Variants in CUX1 observed in about 807,000 individuals in gnomAD.
CUX1 encodes cut like homeobox 1, also known as protein CASP.
Under a neutral mutation model 158.8 loss-of-function variants are expected in CUX1, and 31 were observed. The observed-to-expected ratio is 0.20, with a 90% CI of 0.15 to 0.26. CUX1 has a LOEUF of 0.26. CUX1 is among the 10% of genes least tolerant of loss of function. The pLI, the probability that CUX1 is intolerant of heterozygous loss-of-function variation, is 1.00. For synonymous variants in CUX1, 879 were observed against 862.1 expected, an observed-to-expected ratio of 1.02 and a Z score of -0.34; for missense variants, 1,589 against 2,014.6, an observed-to-expected ratio of 0.79 and a Z score of 4.04.
intron 2 of CUX1, among the ~76,000 whole-genome samples, chr7:102,013,481 T>G (rs1314788597): frequency 2.0e-5 from 3 of 152,164 alleles, no homozygotes; most frequent in Admixed American, 6.5e-5. Flanking sequence ...CAGGACCGCA[T>G]GAAAGTCACT....
chr7:102,258,631 G>T (rs1344353679), downstream of CUX1, among the ~76,000 whole-genome samples: 1 of 152,228 alleles, frequency 6.6e-6, no homozygotes, highest in Non-Finnish European at 1.5e-5. Flanking sequence ...ATGGTGGCCA[G>T]TGCTGGTGCG....
intron 23 of CUX1, among the ~76,000 whole-genome samples, chr7:102,244,342 C>T (rs1468907014): frequency 2.0e-5 from 3 of 151,846 alleles, no homozygotes; most frequent in Admixed American, 1.3e-4. Context: ...AAAAAAAAAC[C>T]GAGCTTTATT....
At chr7:102,212,772 C>T (rs782098803) in intron 20 of CUX1, among the ~76,000 whole-genome samples, 14 of 151,968 alleles carry the variant, frequency 9.2e-5, no homozygotes, top group South Asian at 2.1e-4. Flanking sequence ...TCAAAAAGGC[C>T]GTGTGCCTTG....
At chr7:101,868,084 C>T (rs181053893) in intron 1 of CUX1, among the ~76,000 whole-genome samples, 147 of 152,274 alleles carry the variant, frequency 9.7e-4, no homozygotes, top group African/African-American at 3.4e-3. Context: ...CGGCCTCAAG[C>T]GATCCTCTTG....
At chr7:102,057,071 T>C (rs1418578337) in intron 3 of CUX1, among the ~76,000 whole-genome samples, 2 of 151,448 alleles carry the variant, frequency 1.3e-5, no homozygotes, top group African/African-American at 4.9e-5. Context: ...CTGGCTAATT[T>C]TTTGTATTTT....
chr7:101,911,334 C>T (rs910347576), intron 1 of CUX1, among the ~76,000 whole-genome samples: 8 of 152,072 alleles, frequency 5.3e-5, no homozygotes, highest in Admixed American at 5.2e-4. Flanking sequence ...ACGACCTGAG[C>T]CCTGGCCTTG....
intron 8 of CUX1, among the ~76,000 whole-genome samples, chr7:102,152,779 C>T (rs1835832197): frequency 6.6e-6 from 1 of 152,206 alleles, no homozygotes; most frequent in African/African-American, 2.4e-5. Flanking sequence ...CTGGTCCCTT[C>T]TGTGAATGGA....
At chr7:102,118,987 T>G (rs1831733944) in intron 8 of CUX1, among the ~76,000 whole-genome samples, 1 of 152,026 alleles carries the variant, frequency 6.6e-6, no homozygotes, top group Non-Finnish European at 1.5e-5. Context: ...CCTGACCTCA[T>G]GATTCGCCCA....
chr7:101,993,484 C>G (rs943132829), intron 2 of CUX1, among the ~76,000 whole-genome samples: 3 of 152,298 alleles, frequency 2.0e-5, no homozygotes, highest in African/African-American at 7.2e-5. Flanking sequence ...GGGGGTGGCT[C>G]AGGCCTCCCA....
intron 2 of CUX1, among the ~76,000 whole-genome samples, chr7:101,967,242 T>C (rs1459453984): frequency 6.6e-6 from 1 of 152,108 alleles, no homozygotes; most frequent in Non-Finnish European, 1.5e-5. Flanking sequence ...CTTGAACTCC[T>C]GACCTCAGGC....
intron 2 of CUX1, among the ~76,000 whole-genome samples, chr7:102,019,639 G>C (rs1438567077): frequency 6.6e-6 from 1 of 152,118 alleles, no homozygotes; most frequent in Non-Finnish European, 1.5e-5. Context: ...TTGAAATCCT[G>C]CACCCTCATC....
chr7:102,025,695 A>C (rs527468346), intron 2 of CUX1, among the ~76,000 whole-genome samples: 66 of 152,344 alleles, frequency 4.3e-4, no homozygotes, highest in African/African-American at 1.5e-3. Context: ...GTGTAAAAAA[A>C]TAGAAAATCA....
chr7:102,192,880 A>G (rs1794429510), intron 12 of CUX1, among the ~76,000 whole-genome samples: 1 of 152,216 alleles, frequency 6.6e-6, no homozygotes, highest in Non-Finnish European at 1.5e-5. Context: ...TCAGCAAAAA[A>G]GGGACATCCA....
intron 3 of CUX1, among the ~76,000 whole-genome samples, chr7:102,030,691 G>GTTTTTTTTTTT (rs71119801): frequency 0.013 from 1,495 of 119,302 alleles, 121 homozygotes; most frequent in East Asian, 0.057. Flanking sequence ...TTTAAAAAGT[G>GTTTTTTTTTTT]TTTTTTTTTT....
chr7:102,242,847 G>A (rs1042021988), intron 23 of CUX1, among the ~76,000 whole-genome samples: 28 of 152,180 alleles, frequency 1.8e-4, no homozygotes, highest in African/African-American at 6.8e-4. Context: ...TGTAGTCTGC[G>A]GTCATTGTGG....
chr7:102,252,548 G>A lies in CUX1; in HGVS notation c.*3506G>A, dbSNP rs567151939. ...TTGGAGGCATTGTTCATAACTTAAG[G>A]CTTTTGCCATTAACTTAGCTGGCTA... is the stretch of plus-strand genomic sequence containing the variant. On this transcript the variant is annotated 3_prime_UTR_variant, in exon 24 of 24. Coordinates refer to ENST00000292535, the MANE Select transcript of CUX1 (RefSeq NM_181552.4). 3.0e-6 allele frequency: 3 copies of A among 985,306 alleles called. No individual in the cohort carries two copies. The highest frequency in any genetic ancestry group is 4.7e-5 in the South Asian group (1 of 21,288). The allele number at this position is 985,306 out of a possible 1,614,324, so 61.0% of individuals were successfully genotyped here. A position where few individuals can be genotyped will look rare whatever the true frequency, so the allele number is the denominator to read the frequency against.
chr7:101,827,922 T>C (rs552963382), intron 1 of CUX1, among the ~76,000 whole-genome samples: 2 of 150,768 alleles, frequency 1.3e-5, no homozygotes, highest in East Asian at 3.9e-4. Context: ...ATGGAAGGGC[T>C]GGAGCAGGTG....
intron 1 of CUX1, among the ~76,000 whole-genome samples, chr7:101,915,650 C>A (rs182845161): frequency 6.6e-6 from 1 of 152,078 alleles, no homozygotes; most frequent in African/African-American, 2.4e-5. Flanking sequence ...CATTGAAGGA[C>A]GGCCACACGG....
At chr7:102,104,187 A>T in intron 5 of CUX1, 149 bp from the exon 6 acceptor site, 4 of 687,438 alleles carry the variant, frequency 5.8e-6, no homozygotes, top group Non-Finnish European at 9.6e-6. Context: ...AGGTCTCTGA[A>T]GGGACTCATA....
Sources: allele counts gnomAD v4.1 joint callset (sites outside exome capture counted in the v4.1 genomes callset), GRCh38; gene constraint gnomAD v4.1.1; transcripts MANE v1.5; gene names NCBI Gene and HGNC (gene_info 2026-07-23, HGNC 2026-07-21).